Variants in OLFM3 observed in about 807,000 individuals in gnomAD.
OLFM3 encodes the protein noelin-3.
A neutral mutation model predicts 48.6 loss-of-function variants in OLFM3; 20 were observed. That is an observed-to-expected ratio of 0.41 (90% CI 0.29 to 0.60). The LOEUF is 0.60. Among genes scored for constraint, OLFM3 ranks in the 20% least tolerant of loss-of-function variants. The probability of loss-of-function intolerance (pLI) is 0.28; values close to 1 mark genes in which losing one functional copy is unlikely to be tolerated. For missense variants in OLFM3, 437 were observed against 544.3 expected, an observed-to-expected ratio of 0.80 and a Z score of 1.96; for synonymous variants, 222 against 198.1, an observed-to-expected ratio of 1.12 and a Z score of -1.01.
chr1:101,937,342 T>A (rs1659654174), intron 1 of OLFM3, among the ~76,000 whole-genome samples: 1 of 152,106 alleles, frequency 6.6e-6, no homozygotes, highest in African/African-American at 2.4e-5. Flanking sequence ...CCAGTGTGAG[T>A]CTTTGGCGTT....
chr1:101,871,639 C>T (rs974820844), intron 1 of OLFM3, among the ~76,000 whole-genome samples: 2 of 151,956 alleles, frequency 1.3e-5, no homozygotes, highest in African/African-American at 2.4e-5. Flanking sequence ...ATAAGTCACT[C>T]AGGCACAACA....
At chr1:101,885,630 A>G (rs1657722194) in intron 1 of OLFM3, among the ~76,000 whole-genome samples, 1 of 152,050 alleles carries the variant, frequency 6.6e-6, no homozygotes, top group Non-Finnish European at 1.5e-5. Flanking sequence ...GAAGACTTTT[A>G]TAACGATTCA....
intron 1 of OLFM3, among the ~76,000 whole-genome samples, chr1:101,959,019 G>T (rs1490762476): frequency 6.6e-6 from 1 of 151,756 alleles, no homozygotes. Context: ...CTAAAACTTT[G>T]TACCCTTTGA....
intron 1 of OLFM3, among the ~76,000 whole-genome samples, chr1:101,941,200 C>T (rs1295436520): frequency 2.0e-5 from 3 of 152,272 alleles, no homozygotes; most frequent in East Asian, 3.9e-4. Flanking sequence ...AAATAAAGAT[C>T]AACCACGGCA....
intron 1 of OLFM3, among the ~76,000 whole-genome samples, chr1:101,897,097 C>A (rs1031084220): frequency 6.6e-6 from 1 of 152,100 alleles, no homozygotes; most frequent in African/African-American, 2.4e-5. Flanking sequence ...TAGATAATTT[C>A]TCCACATTTT....
At chr1:101,914,727 C>CG (rs1241803140) in intron 1 of OLFM3, among the ~76,000 whole-genome samples, 1 of 151,862 alleles carries the variant, frequency 6.6e-6, no homozygotes, top group African/African-American at 2.4e-5. Flanking sequence ...AGCCTGCATG[C>CG]GGCTCTTTCC....
chr1:101,916,458 G>GT (rs1452547742), intron 1 of OLFM3, among the ~76,000 whole-genome samples: 7 of 151,442 alleles, frequency 4.6e-5, no homozygotes, highest in African/African-American at 1.5e-4. Context: ...GACAGTTAAT[G>GT]TTACAAGAAA....
chr1:101,810,702 C>T (rs911329530), intron 4 of OLFM3, among the ~76,000 whole-genome samples: 2 of 151,856 alleles, frequency 1.3e-5, no homozygotes, highest in Admixed American at 1.3e-4. Context: ...TTAATTTGGC[C>T]TTTATCCTGT....
At chr1:101,919,474 C>G (rs1659027567) in intron 1 of OLFM3, among the ~76,000 whole-genome samples, 1 of 152,204 alleles carries the variant, frequency 6.6e-6, no homozygotes, top group African/African-American at 2.4e-5. Context: ...TACTGGACCT[C>G]TCAGTAGCAT....
chr1:101,962,947 A>G (rs1287937402), intron 1 of OLFM3, among the ~76,000 whole-genome samples: 1 of 152,226 alleles, frequency 6.6e-6, no homozygotes, highest in Non-Finnish European at 1.5e-5. Flanking sequence ...TGGCAACCCT[A>G]TGTGGTGTTC....
At chr1:101,843,730 T>C (rs529284278) in intron 1 of OLFM3, among the ~76,000 whole-genome samples, 1 of 152,330 alleles carries the variant, frequency 6.6e-6, no homozygotes, top group East Asian at 1.9e-4. Flanking sequence ...ATAAATTGAT[T>C]TAATTGCCAT....
rs148527769 is a variant in OLFM3 at position 101,898,928 on chromosome 1, T to C, written c.70-61903A>G. ...TTGAACATGTATTTAATTCACTTAT[T>C]CAGCAATTCATTCATTCATTATGCA... On this transcript the variant is annotated intron_variant, in intron 1 of 5. Coordinates refer to ENST00000370103, the MANE Select transcript of OLFM3 (RefSeq NM_058170.4). 9.7e-3 allele frequency among the ~76,000 whole-genome samples: 1,480 copies of C among 152,276 alleles called. 18 individuals carry two copies. The highest frequency in any genetic ancestry group is 0.012 in the Non-Finnish European group (840 of 68,012).
chr1:101,821,578 A>T (rs1654609463), intron 4 of OLFM3, among the ~76,000 whole-genome samples: 1 of 152,108 alleles, frequency 6.6e-6, no homozygotes, highest in African/African-American at 2.4e-5. Context: ...GATGCTCAAT[A>T]AGTGGTTAAT....
intron 1 of OLFM3, among the ~76,000 whole-genome samples, chr1:101,863,919 T>G (rs1656757132): frequency 6.6e-6 from 1 of 152,206 alleles, no homozygotes; most frequent in Admixed American, 6.5e-5. Flanking sequence ...TCACTATCCC[T>G]AACTGCTATT....
chr1:101,860,706 C>T (rs1258529903), intron 1 of OLFM3, among the ~76,000 whole-genome samples: 1 of 152,006 alleles, frequency 6.6e-6, no homozygotes, highest in Non-Finnish European at 1.5e-5. Flanking sequence ...TAACTTCCAT[C>T]ATATTTACAA....
chr1:101,955,834 A>C (rs1033363291), intron 1 of OLFM3, among the ~76,000 whole-genome samples: 7 of 151,884 alleles, frequency 4.6e-5, no homozygotes, highest in African/African-American at 1.4e-4. Flanking sequence ...CACATACCAC[A>C]GGTTCCTCAA....
chr1:101,805,515 G>A (rs1472254549), intron 5 of OLFM3, among the ~76,000 whole-genome samples: 2 of 151,716 alleles, frequency 1.3e-5, no homozygotes, highest in African/African-American at 2.4e-5. Context: ...CATAAATAGA[G>A]CTATGGCAAG....
intron 1 of OLFM3, among the ~76,000 whole-genome samples, chr1:101,845,074 G>A (rs1479028160): frequency 6.6e-6 from 1 of 152,008 alleles, no homozygotes; most frequent in Non-Finnish European, 1.5e-5. Flanking sequence ...CCATTCCAGT[G>A]AATACCATTT....
chr1:101,900,419 G>A (rs1050920845), intron 1 of OLFM3, among the ~76,000 whole-genome samples: 8 of 152,154 alleles, frequency 5.3e-5, no homozygotes, highest in Non-Finnish European at 7.4e-5. Flanking sequence ...ATAAGGGAAA[G>A]GGAAGGCTTC....
Sources: gnomAD v4.1 joint callset for allele counts (sites outside exome capture counted in the v4.1 genomes callset) on GRCh38, gnomAD v4.1.1 for gene constraint, MANE v1.5 for transcripts, NCBI Gene and HGNC (gene_info 2026-07-23, HGNC 2026-07-21) for gene names.